Variants in FBXL7 observed in about 807,000 individuals in gnomAD.
FBXL7 encodes F-box/LRR-repeat protein 7.
In FBXL7, 12 loss-of-function variants were observed where a neutral mutation model predicts 38.3. That is an observed-to-expected ratio of 0.31 (90% CI 0.20 to 0.51). The LOEUF is 0.51. Among genes scored for constraint, FBXL7 ranks in the 20% least tolerant of loss-of-function variants. FBXL7 has a pLI of 0.98. For synonymous variants in FBXL7, 297 were observed against 300.9 expected, an observed-to-expected ratio of 0.99 and a Z score of 0.13; for missense variants, 567 against 676.4, an observed-to-expected ratio of 0.84 and a Z score of 1.79.
At chr5:15,762,324 A>G (rs149889516) in intron 2 of FBXL7, among the ~76,000 whole-genome samples, 3 of 151,698 alleles carry the variant, frequency 2.0e-5, no homozygotes, top group Non-Finnish European at 2.9e-5. Context: ...TAACCTAACC[A>G]CAGAAGTAAC....
At chr5:15,827,176 G>A (rs1238335331) in intron 2 of FBXL7, among the ~76,000 whole-genome samples, 1 of 151,948 alleles carries the variant, frequency 6.6e-6, no homozygotes, top group Non-Finnish European at 1.5e-5. Flanking sequence ...GATTCTGCCT[G>A]TATCTCTATC....
chr5:15,791,241 A>G (rs1579465503), intron 2 of FBXL7, among the ~76,000 whole-genome samples: 1 of 152,326 alleles, frequency 6.6e-6, no homozygotes, highest in South Asian at 2.1e-4. Context: ...AGGTAAACTT[A>G]GTATTCTAAA....
intron 2 of FBXL7, among the ~76,000 whole-genome samples, chr5:15,847,180 C>T (rs189804757): frequency 1.1e-3 from 171 of 152,206 alleles, no homozygotes; most frequent in Non-Finnish European, 1.8e-3. Context: ...ACAGACATAC[C>T]CAAGACTGGG....
intron 2 of FBXL7, among the ~76,000 whole-genome samples, chr5:15,886,554 C>T: frequency 6.6e-6 from 1 of 152,108 alleles, no homozygotes; most frequent in Admixed American, 6.5e-5. Context: ...CAAAGTTACC[C>T]CCAGATAATC....
At chr5:15,500,830 C>T in intron 1 of FBXL7, 117 bp downstream of exon 1, 1 of 1,263,312 alleles carries the variant, frequency 7.9e-7, no homozygotes, top group Non-Finnish European at 1.1e-6. Flanking sequence ...CATTTGGCAC[C>T]CTGTCTGGGT....
chr5:15,729,907 A>T (rs1405483122), intron 2 of FBXL7, among the ~76,000 whole-genome samples: 1 of 152,192 alleles, frequency 6.6e-6, no homozygotes, highest in Non-Finnish European at 1.5e-5. Flanking sequence ...TCAATCGGGT[A>T]ACGCTCCTAG....
At chr5:15,726,614 C>G (rs1029892838) in intron 2 of FBXL7, among the ~76,000 whole-genome samples, 5 of 151,674 alleles carry the variant, frequency 3.3e-5, no homozygotes, top group Non-Finnish European at 7.4e-5. Flanking sequence ...TCACTTGAAC[C>G]CAGGAGGCAG....
chr5:15,643,662 G>A (rs756239198), intron 2 of FBXL7, among the ~76,000 whole-genome samples: 51 of 152,212 alleles, frequency 3.4e-4, no homozygotes, highest in Non-Finnish European at 4.6e-4. Flanking sequence ...TGCTCAGAGA[G>A]GTTAAAGGAA....
intron 2 of FBXL7, among the ~76,000 whole-genome samples, chr5:15,715,913 A>G (rs1744030058): frequency 4.6e-5 from 7 of 152,222 alleles, no homozygotes; most frequent in Admixed American, 4.6e-4. Context: ...CATTATTAAC[A>G]CTACAGATAT....
At chr5:15,500,796 C>T in intron 1 of FBXL7, 83 bp downstream of exon 1, 1 of 1,529,116 alleles carries the variant, frequency 6.5e-7, no homozygotes, top group Non-Finnish European at 8.9e-7. Context: ...AAGGGAGGTT[C>T]TCGCCCGCGG....
chr5:15,699,395 C>T (rs566268504), intron 2 of FBXL7, among the ~76,000 whole-genome samples: 76 of 152,286 alleles, frequency 5.0e-4, no homozygotes, highest in Non-Finnish European at 6.6e-4. Flanking sequence ...GCATTCCCAG[C>T]TTGCAGCTGC....
chr5:15,773,625 G>A (rs1301319410), intron 2 of FBXL7, among the ~76,000 whole-genome samples: 2 of 152,016 alleles, frequency 1.3e-5, no homozygotes, highest in Non-Finnish European at 2.9e-5. Context: ...CTCCAGCCTG[G>A]GTGACAGATC....
chr5:15,926,280 C>T (rs948106387), intron 2 of FBXL7, among the ~76,000 whole-genome samples: 53 of 148,796 alleles, frequency 3.6e-4, no homozygotes, highest in African/African-American at 1.2e-3. Flanking sequence ...ATATATCCAA[C>T]GTGTATATAT....
At chr5:15,715,160 A>G (rs1744003845) in intron 2 of FBXL7, among the ~76,000 whole-genome samples, 1 of 152,140 alleles carries the variant, frequency 6.6e-6, no homozygotes, top group Non-Finnish European at 1.5e-5. Context: ...GAAACTATAT[A>G]TATTTTACAG....
chr5:15,833,502 G>A (rs958434531), intron 2 of FBXL7, among the ~76,000 whole-genome samples: 1 of 152,220 alleles, frequency 6.6e-6, no homozygotes, highest in Admixed American at 6.5e-5. Context: ...GTCCCAGAGT[G>A]CGTTATTTAC....
intron 2 of FBXL7, among the ~76,000 whole-genome samples, chr5:15,850,333 A>C (rs1739054630): frequency 6.6e-6 from 1 of 152,182 alleles, no homozygotes; most frequent in Non-Finnish European, 1.5e-5. Flanking sequence ...GTTATTGTAC[A>C]ATATTCTTTC....
chr5:15,533,056 T>C (rs1418802151), intron 1 of FBXL7, among the ~76,000 whole-genome samples: 1 of 152,098 alleles, frequency 6.6e-6, no homozygotes, highest in Non-Finnish European at 1.5e-5. Flanking sequence ...GAGTTTGGGG[T>C]GACTGTGGGA....
chr5:15,912,059 C>G (rs1319245616), intron 2 of FBXL7, among the ~76,000 whole-genome samples: 2 of 24,042 alleles, frequency 8.3e-5, no homozygotes, highest in Admixed American at 5.0e-4. Context: ...CCACCCAGTT[C>G]GAGCTTCCCA....
intron 2 of FBXL7, among the ~76,000 whole-genome samples, chr5:15,698,282 T>C (rs7732283): frequency 0.75 from 113,744 of 152,092 alleles, 42,808 homozygotes; most frequent in East Asian, 0.88. Context: ...CCAGTAGCCA[T>C]CACCTAACAT....
Sources: gnomAD v4.1 joint callset for allele counts (sites outside exome capture counted in the v4.1 genomes callset) on GRCh38, gnomAD v4.1.1 for gene constraint, MANE v1.5 for transcripts, NCBI Gene and HGNC (gene_info 2026-07-23, HGNC 2026-07-21) for gene names.